Variants in LRRC9 observed in about 807,000 individuals in gnomAD.
LRRC9 encodes leucine-rich repeat-containing protein 9.
In LRRC9, 122 loss-of-function variants were observed where a neutral mutation model predicts 63.2. That is an observed-to-expected ratio of 1.93 (90% CI 1.67 to 2.24). The LOEUF is 2.24. LRRC9 is among the 30% of genes most tolerant of loss of function. LRRC9 has a pLI of 0.00. For synonymous variants in LRRC9, 366 were observed against 213.1 expected, an observed-to-expected ratio of 1.72 and a Z score of -6.25; for missense variants, 1,071 against 627.7, an observed-to-expected ratio of 1.71 and a Z score of -7.55.
At chr14:59,952,427 A>T (rs1883264450) in intron 8 of LRRC9, among the ~76,000 whole-genome samples, 1 of 152,092 alleles carries the variant, frequency 6.6e-6, no homozygotes, top group South Asian at 2.1e-4. Flanking sequence ...TGAACCGGGT[A>T]CCTCAGATGG....
intron 2 of LRRC9, 102 bp from the exon 3 acceptor site, chr14:59,928,166 A>G: frequency 8.9e-6 from 5 of 564,224 alleles, no homozygotes; most frequent in East Asian, 8.7e-5. Context: ...GAGATTATAA[A>G]AATGGCATCA....
chr14:60,044,303 CT>C (rs1307216148), intron 29 of LRRC9, among the ~76,000 whole-genome samples: 2 of 151,914 alleles, frequency 1.3e-5, no homozygotes, highest in East Asian at 3.9e-4. Flanking sequence ...TATTTCTGCT[CT>C]GATATTTATT....
In LRRC9 at chr14:59,988,360, C is replaced by T. The variant is rs191673375; in HGVS notation, c.2211+3136C>T. On this transcript the variant is annotated intron_variant, in intron 17 of 31. Coordinates refer to ENST00000445360, the Ensembl canonical transcript of LRRC9. ...TATATGTGTGCATGTGTGTTGCATG[C>T]GTGCACGCATGCGTGTGTATAAATA... 1.1e-4 allele frequency among the ~76,000 whole-genome samples: 16 copies of T among 152,178 alleles called. No individual in the cohort carries two copies. The East Asian group carries it at 1.7e-3, about 17-fold the overall frequency.
At chr14:59,934,880 CA>C (rs1188759604) in intron 6 of LRRC9, among the ~76,000 whole-genome samples, 1 of 151,934 alleles carries the variant, frequency 6.6e-6, no homozygotes, top group African/African-American at 2.4e-5. Context: ...CTAAGATACC[CA>C]GTAGAATAAA....
intron 15 of LRRC9, among the ~76,000 whole-genome samples, chr14:59,980,247 T>C (rs953542445): frequency 6.6e-6 from 1 of 152,200 alleles, no homozygotes; most frequent in African/African-American, 2.4e-5. Flanking sequence ...TTAGGCATTA[T>C]CTTTTCTGCT....
chr14:60,052,397 A>G (rs940454632), intron 29 of LRRC9, among the ~76,000 whole-genome samples: 1 of 152,212 alleles, frequency 6.6e-6, no homozygotes, highest in South Asian at 2.1e-4. Flanking sequence ...TCAGCATTCA[A>G]TGATTTTTTT....
intron 12 of LRRC9, 145 bp downstream of exon 12, chr14:59,967,358 A>G: frequency 2.2e-6 from 1 of 454,680 alleles, no homozygotes; most frequent in Non-Finnish European, 3.9e-6. Context: ...GTTATCATGG[A>G]AAGTATAGCA....
chr14:59,964,974 G>C lies in LRRC9; in HGVS notation c.1212-1615G>C, dbSNP rs531163561. 6.6e-6 allele frequency among the ~76,000 whole-genome samples: 1 copy of C among 152,248 alleles called. No homozygotes were observed. Among genetic ancestry groups the C allele is most frequent in the South Asian group, 2.1e-4 (1 of 4,824 alleles). On this transcript the variant is annotated intron_variant, in intron 10 of 31. Transcript: ENST00000445360. This position sits in a 1 kb window ranked among gnomAD's most constrained non-coding sequence, Gnocchi z 4.4. ...CCCTAAGTTAGGAGCTCAGCTATTAGGCTCAAGGAGAGACTACCCATCAGG... is the reference window on the plus strand; with the variant it reads ...CCCTAAGTTAGGAGCTCAGCTATTACGCTCAAGGAGAGACTACCCATCAGG...
At chr14:60,048,764 G>C (rs760262779) in intron 29 of LRRC9, among the ~76,000 whole-genome samples, 1 of 152,122 alleles carries the variant, frequency 6.6e-6, no homozygotes, top group Admixed American at 6.6e-5. Flanking sequence ...TTGAAAAGGA[G>C]GGTCTCCACC....
chr14:60,047,408 C>A (rs992958757), intron 29 of LRRC9, among the ~76,000 whole-genome samples: 11 of 151,902 alleles, frequency 7.2e-5, no homozygotes, highest in African/African-American at 2.7e-4. Context: ...TTTAAGAGAT[C>A]CATCTCACAT....
chr14:60,026,641 T>A (rs942227487), intron 27 of LRRC9, among the ~76,000 whole-genome samples: 1 of 152,108 alleles, frequency 6.6e-6, no homozygotes, highest in African/African-American at 2.4e-5. Context: ...ACACAAGAAA[T>A]CTTTGTCAAG....
intron 30 of LRRC9, chr14:60,054,119 C>G: frequency 3.4e-6 from 1 of 298,152 alleles, no homozygotes; most frequent in African/African-American, 2.2e-5. Context: ...ACCATACATA[C>G]TCTCCTAACA....
At position 60,004,859 on chromosome 14, in the gene LRRC9, G is replaced by A. The variant is rs76810183; in HGVS notation, c.2842+1061G>A. Among the ~76,000 whole-genome samples the A allele has an allele frequency of 1.9e-4, 25 of 134,216 alleles. 1 individual carries two copies. In the East Asian group the frequency reaches 5.1e-3, roughly 28 times the overall value. 88.1% of individuals were successfully genotyped at this position (134,216 alleles called of 152,430 possible). ...CAAGTGTGCACTATTTGATTGAAAA[G>A]AGAAATATGTATATGTGTGTATACA... On this transcript the variant is annotated intron_variant, in intron 21 of 31. Coordinates refer to ENST00000445360, the Ensembl canonical transcript of LRRC9. The surrounding 1 kb of genome is among the most constrained non-coding windows in gnomAD (Gnocchi z 4.8).
rs1894086940 is a variant in LRRC9, at chr14:60,053,963, C to G, written c.4131+758C>G. ...CAGCTCAGAGGCTTTTAGAATAATC[C>G]AAGAGAGATGTTATGAAGACCTGGA... On this transcript the variant is annotated intron_variant, in intron 30 of 31. Transcript: ENST00000445360. This position sits in a 1 kb window ranked among gnomAD's most constrained non-coding sequence, Gnocchi z 4.8. The G allele has an allele frequency of 2.2e-6, 1 of 448,606 alleles. No homozygotes were observed. Among genetic ancestry groups the G allele is most frequent in the African/African-American group, 2.0e-5 (1 of 49,362 alleles). 27.8% of individuals were successfully genotyped at this position (448,606 alleles called of 1,614,324 possible).
chr14:60,019,254 C>A, exon 26 of LRRC9: 1 of 689,262 alleles, frequency 1.5e-6, no homozygotes, highest in East Asian at 2.7e-5. Flanking sequence ...ATTTCAAAAA[C>A]AAACAGGTAG....
At chr14:59,995,286 T>C (rs1888638857) in intron 17 of LRRC9, among the ~76,000 whole-genome samples, 1 of 152,242 alleles carries the variant, frequency 6.6e-6, no homozygotes, top group Non-Finnish European at 1.5e-5. Context: ...ATGTTTTCTC[T>C]GAAAATAGCT....
intron 21 of LRRC9, among the ~76,000 whole-genome samples, chr14:60,005,929 G>A (rs556156902): frequency 6.6e-6 from 1 of 152,106 alleles, no homozygotes; most frequent in Admixed American, 6.5e-5. Context: ...AGTACTTTTA[G>A]GCATAAGCAA....
Position 60,060,454 on chromosome 14 carries a change from T to C in LRRC9, c.4276+2432T>C, listed in dbSNP as rs1250937714. On this transcript the variant is annotated intron_variant, in intron 31 of 31. Coordinates refer to ENST00000445360, the Ensembl canonical transcript of LRRC9. The surrounding 1 kb of genome is among the most constrained non-coding windows in gnomAD (Gnocchi z 4.0). ...AGGCTCTAACTACCATAGACAGTGA[T>C]TCCTAACCGGGCGCGATGGCTCACG... 2.0e-5 allele frequency among the ~76,000 whole-genome samples: 3 copies of C among 152,114 alleles called. No homozygotes were observed. The highest frequency in any genetic ancestry group is 7.2e-5 in the African/African-American group (3 of 41,420).
intron 29 of LRRC9, among the ~76,000 whole-genome samples, chr14:60,049,415 G>C (rs1476989662): frequency 6.6e-6 from 1 of 152,172 alleles, no homozygotes; most frequent in Non-Finnish European, 1.5e-5. Context: ...TCCATATTTA[G>C]TGCTTTCTTC....
Sources: gnomAD v4.1 joint callset for allele counts (sites outside exome capture counted in the v4.1 genomes callset) on GRCh38, gnomAD v4.1.1 for gene constraint, Gnocchi (gnomAD v3.1) non-coding constraint, MANE v1.5 for transcripts, NCBI Gene and HGNC (gene_info 2026-07-23, HGNC 2026-07-21) for gene names.